Variants in THSD4 observed in about 807,000 individuals in gnomAD.
THSD4 encodes thrombospondin type 1 domain containing 4.
Under a neutral mutation model 119.0 loss-of-function variants are expected in THSD4, and 69 were observed. That is an observed-to-expected ratio of 0.58 (90% CI 0.48 to 0.71). The LOEUF (loss-of-function observed/expected upper bound fraction) is 0.71. Among genes scored for constraint, THSD4 ranks in the 30% least tolerant of loss-of-function variants. THSD4 has a pLI of 0.00. For synonymous variants in THSD4, 524 were observed against 540.4 expected (o/e 0.97, Z 0.42); for missense variants, 1,393 against 1,391.1 (o/e 1.00, Z -0.02).
intron 1 of THSD4, among the ~76,000 whole-genome samples, chr15:71,139,276 C>T (rs2040579659): frequency 6.6e-6 from 1 of 152,184 alleles, no homozygotes; most frequent in Non-Finnish European, 1.5e-5. Context: ...CATGGTTCAT[C>T]TCCCAGACCA....
At chr15:71,118,308 T>C (rs1353806788) in intron 1 of THSD4, among the ~76,000 whole-genome samples, 2 of 152,130 alleles carry the variant, frequency 1.3e-5, no homozygotes, top group Non-Finnish European at 2.9e-5. Flanking sequence ...ACCCAGTCTC[T>C]ATCATGGTCT....
At chr15:71,288,585 G>T (rs2044749591) in intron 6 of THSD4, among the ~76,000 whole-genome samples, 1 of 152,152 alleles carries the variant, frequency 6.6e-6, no homozygotes, top group South Asian at 2.1e-4. Context: ...AAGGGCAAGG[G>T]CTCCTTTCTG....
Position 71,332,891 on chromosome 15 carries a change from C to CTTTTTTTTTTTTTTTTTTTTTTTT in THSD4, c.1015+76176_1015+76177insTTTTTTTTTTTTTTTTTTTTTTTT, listed in dbSNP as rs1184457820. On this transcript the variant is annotated intron_variant, in intron 6 of 17. Transcript: ENST00000261862. ...TTCTTAAAACATTGAGATTTTTTTACATTTTTTTTTTTTTTTTAGTTCATC... is the reference window on the plus strand; with the variant it reads ...TTCTTAAAACATTGAGATTTTTTTACTTTTTTTTTTTTTTTTTTTTTTTTATTTTTTTTTTTTTTTTAGTTCATC... Among the ~76,000 whole-genome samples the CTTTTTTTTTTTTTTTTTTTTTTTT allele has an allele frequency of 1.3e-3, 50 of 37,900 alleles. 3 individuals are homozygous for CTTTTTTTTTTTTTTTTTTTTTTTT. The highest frequency in any genetic ancestry group is 0.013 in the Middle Eastern group (1 of 78). The allele number at this position is 37,900 out of a possible 152,430, so 24.9% of individuals were successfully genotyped here.
intron 7 of THSD4, among the ~76,000 whole-genome samples, chr15:71,493,407 C>T (rs1016330853): frequency 1.3e-5 from 2 of 152,170 alleles, no homozygotes; most frequent in Non-Finnish European, 2.9e-5. Context: ...TTAATGATAA[C>T]CTCTATTTAT....
At chr15:71,279,301 G>C (rs991081952) in intron 6 of THSD4, among the ~76,000 whole-genome samples, 1 of 151,954 alleles carries the variant, frequency 6.6e-6, no homozygotes, top group Admixed American at 6.5e-5. Flanking sequence ...CCCGTGTCCA[G>C]TGAGCCTGTA....
chr15:71,346,531 C>G (rs2045662327), intron 6 of THSD4, among the ~76,000 whole-genome samples: 1 of 152,224 alleles, frequency 6.6e-6, no homozygotes, highest in African/African-American at 2.4e-5. Context: ...CTCCATCACT[C>G]TTTGAGCACT....
At chr15:71,111,099 C>T, upstream of THSD4, 2 of 1,541,670 alleles carry the variant, frequency 1.3e-6, no homozygotes, top group Non-Finnish European at 1.8e-6. Flanking sequence ...GGGAAATAAT[C>T]TGAATATCTG....
At chr15:71,501,681 A>G (rs912568960) in intron 7 of THSD4, among the ~76,000 whole-genome samples, 2 of 152,220 alleles carry the variant, frequency 1.3e-5, no homozygotes, top group Non-Finnish European at 2.9e-5. Flanking sequence ...GCAGATTTGA[A>G]TTTAAAAATG....
At chr15:71,386,518 CAATAA>C (rs1233613616) in intron 6 of THSD4, among the ~76,000 whole-genome samples, 2 of 152,044 alleles carry the variant, frequency 1.3e-5, no homozygotes, top group Non-Finnish European at 2.9e-5. Flanking sequence ...CATATATTTT[CAATAA>C]AATACTGACA....
chr15:71,447,586 G>A (rs1178057138), intron 7 of THSD4, among the ~76,000 whole-genome samples: 1 of 152,180 alleles, frequency 6.6e-6, no homozygotes, highest in South Asian at 2.1e-4. Flanking sequence ...CTCGAGGTAG[G>A]ACTGTCTTTT....
intron 8 of THSD4, among the ~76,000 whole-genome samples, chr15:71,726,937 C>CAA (rs796495334): frequency 3.9e-5 from 5 of 128,884 alleles, no homozygotes; most frequent in Admixed American, 7.8e-5. Flanking sequence ...AACGCCATCT[C>CAA]AAAAAAAAAA....
chr15:71,523,835 C>G (rs2048477423), intron 7 of THSD4, among the ~76,000 whole-genome samples: 1 of 152,156 alleles, frequency 6.6e-6, no homozygotes, highest in Non-Finnish European at 1.5e-5. Context: ...AAAATATGTG[C>G]TACAGAATGC....
intron 7 of THSD4, among the ~76,000 whole-genome samples, chr15:71,598,036 A>G (rs898612430): frequency 7.2e-5 from 11 of 152,146 alleles, no homozygotes; most frequent in African/African-American, 2.7e-4. Context: ...AGGTGCTCCC[A>G]GGCTTTCAGG....
intron 7 of THSD4, among the ~76,000 whole-genome samples, chr15:71,413,938 G>T (rs144343246): frequency 2.5e-3 from 380 of 152,294 alleles, no homozygotes; most frequent in African/African-American, 8.7e-3. Flanking sequence ...AAAATGATGG[G>T]CCTGATAGCA....
chr15:71,360,216 T>C (rs2045874722), intron 6 of THSD4, among the ~76,000 whole-genome samples: 1 of 152,146 alleles, frequency 6.6e-6, no homozygotes, highest in Non-Finnish European at 1.5e-5. Flanking sequence ...CCTCACAACA[T>C]GGTGGTCTTA....
chr15:71,380,439 T>G (rs1404162975), intron 6 of THSD4, among the ~76,000 whole-genome samples: 1 of 152,054 alleles, frequency 6.6e-6, no homozygotes, highest in African/African-American at 2.4e-5. Flanking sequence ...AATGAAACCG[T>G]TTGATGCTCA....
chr15:71,542,869 T>A (rs2048779297), intron 7 of THSD4, among the ~76,000 whole-genome samples: 1 of 143,062 alleles, frequency 7.0e-6, no homozygotes, highest in South Asian at 2.3e-4. Flanking sequence ...AGAGCAAGAC[T>A]CTGTCTCAAA....
intron 8 of THSD4, among the ~76,000 whole-genome samples, chr15:71,688,662 GT>G (rs1294178007): frequency 3.5e-5 from 5 of 142,270 alleles, no homozygotes; most frequent in Non-Finnish European, 6.2e-5. Context: ...GTTTTGTTTT[GT>G]TTTTTTCTTT....
chr15:71,343,537 C>T (rs763272252), intron 6 of THSD4, among the ~76,000 whole-genome samples: 1 of 152,056 alleles, frequency 6.6e-6, no homozygotes, highest in Non-Finnish European at 1.5e-5. Flanking sequence ...TTTGGTGGCA[C>T]CCAGCAATCA....
Sources: gnomAD v4.1 joint callset for allele counts (sites outside exome capture counted in the v4.1 genomes callset) on GRCh38, gnomAD v4.1.1 for gene constraint, MANE v1.5 for transcripts, NCBI Gene and HGNC (gene_info 2026-07-23, HGNC 2026-07-21) for gene names.